The following BCLAF1 variants were observed in gnomAD, a reference collection of about 807,000 sequenced individuals.
The protein encoded by BCLAF1 is bcl-2-associated transcription factor 1.
A neutral mutation model predicts 99.5 loss-of-function variants in BCLAF1; 10 were observed. The ratio of observed to expected loss-of-function variants is 0.10; its 90% CI spans 0.06 to 0.17. The LOEUF (loss-of-function observed/expected upper bound fraction) is 0.17. Among genes scored for constraint, BCLAF1 ranks in the 10% least tolerant of loss-of-function variants. BCLAF1 has a pLI of 1.00. For synonymous variants in BCLAF1, 255 were observed against 370.9 expected (o/e 0.69, Z 3.59); for missense variants, 636 against 1,105.8 (o/e 0.58, Z 6.02).
chr6:136,269,771 A>G (rs1397506296), intron 8 of BCLAF1, 159 bp from the exon 9 acceptor site: 1 of 493,594 alleles, frequency 2.0e-6, no homozygotes, highest in Non-Finnish European at 3.3e-6. Context: ...TTTTTGTTAA[A>G]AAATGTACTT....
rs934628886 is a variant in BCLAF1, at chr6:136,259,738, T to G, written c.*1372A>C. The G allele has an allele frequency of 2.0e-5, 3 of 152,040 alleles. No individual in the cohort carries two copies. Among genetic ancestry groups the G allele is most frequent in the Non-Finnish European group, 4.4e-5 (3 of 67,918 alleles). The allele number at this position is 152,040 out of a possible 1,614,324, so 9.4% of individuals were successfully genotyped here. A position where few individuals can be genotyped will look rare whatever the true frequency, so the allele number is the denominator to read the frequency against. On this transcript the variant is annotated 3_prime_UTR_variant, in exon 13 of 13. Coordinates refer to ENST00000531224, the MANE Select transcript of BCLAF1 (RefSeq NM_014739.3). ...TGTTTAAGATGAAAGAGCAATACAC[T>G]TAAGATCTTCAAAAGTTTACATTAA...
chr6:136,261,203 A>T, intron 12 of BCLAF1, 62 bp downstream of exon 12: 1 of 1,571,970 alleles, frequency 6.4e-7, no homozygotes, highest in Non-Finnish European at 8.6e-7. Flanking sequence ...AAAATGAAAT[A>T]ATTCACCCAC....
Position 136,275,147 on chromosome 6 carries a change from T to C in BCLAF1, c.1852+385A>G, listed in dbSNP as rs146142013. ...TCAATAACAATACTGTCTGACTTTG[T>C]TATAAATCTATGCCAAGATTATCAC... On this transcript the variant is annotated intron_variant, in intron 6 of 12. Transcript: ENST00000531224. 4.4e-3 allele frequency among the ~76,000 whole-genome samples: 675 copies of C among 152,270 alleles called. 3 individuals carry two copies. Among genetic ancestry groups the C allele is most frequent in the African/African-American group, 0.014 (587 of 41,576 alleles).
intron 7 of BCLAF1, 55 bp downstream of exon 7, chr6:136,273,027 C>CATTA: frequency 7.7e-7 from 1 of 1,292,984 alleles, no homozygotes; most frequent in South Asian, 1.3e-5. Flanking sequence ...CTTGTTTTAA[C>CATTA]AGTGTCTTCC....
chr6:136,276,562 C>A (rs893662991), intron 4 of BCLAF1, 54 bp from the exon 5 acceptor site: 1 of 1,509,676 alleles, frequency 6.6e-7, no homozygotes, highest in Admixed American at 2.2e-5. Flanking sequence ...CACTGTAGAT[C>A]GCTTCCATAT....
chr6:136,270,701 C>T lies in BCLAF1; in HGVS notation c.2044-1089G>A, dbSNP rs181379728. Among the ~76,000 whole-genome samples, 41 of 151,892 alleles carry T rather than the reference C, an allele frequency of 2.7e-4. 1 individual carries two copies. The East Asian group carries it at 7.3e-3, about 27-fold the overall frequency. ...CGATATATACATAATTACATATTAA[C>T]ATGTTATTCATCCAGACAGGAGGAT... On this transcript the variant is annotated intron_variant, in intron 8 of 12. Coordinates refer to ENST00000531224, the MANE Select transcript of BCLAF1 (RefSeq NM_014739.3).
intron 11 of BCLAF1, among the ~76,000 whole-genome samples, chr6:136,263,357 G>C (rs907622314): frequency 6.6e-6 from 1 of 152,076 alleles, no homozygotes; most frequent in Non-Finnish European, 1.5e-5. Flanking sequence ...ACTAGCCATT[G>C]CTTTTAATAT....
chr6:136,289,826 C>G lies in BCLAF1; in HGVS notation c.-228G>C, dbSNP rs1229574025. 1 of 152,712 alleles carries G rather than the reference C, an allele frequency of 6.5e-6. No individual in the cohort carries two copies. Among genetic ancestry groups the G allele is most frequent in the African/African-American group, 2.4e-5 (1 of 41,478 alleles). The allele number at this position is 152,712 out of a possible 1,614,324, so 9.5% of individuals were successfully genotyped here. ...TAGAGCTACCTTCGACGCGCTAGCACGTCTCCGTCACTTCCGATCTGGGGC... is the reference window on the plus strand; with the variant it reads ...TAGAGCTACCTTCGACGCGCTAGCAGGTCTCCGTCACTTCCGATCTGGGGC... On this transcript the variant is annotated 5_prime_UTR_variant, in exon 1 of 13. Coordinates refer to ENST00000531224, the MANE Select transcript of BCLAF1 (RefSeq NM_014739.3).
intron 8 of BCLAF1, among the ~76,000 whole-genome samples, chr6:136,270,645 A>G (rs1370202946): frequency 6.6e-6 from 1 of 151,920 alleles, no homozygotes; most frequent in African/African-American, 2.4e-5. Context: ...TAACAAGATA[A>G]TGTAAATGAA....
intron 4 of BCLAF1, 57 bp downstream of exon 4, chr6:136,277,808 C>G: frequency 6.6e-7 from 1 of 1,525,548 alleles, no homozygotes; most frequent in South Asian, 1.3e-5. Context: ...TAATTCCAAA[C>G]AGAATTCAAA....
chr6:136,275,135 T>C (rs958222718), intron 6 of BCLAF1, among the ~76,000 whole-genome samples: 1 of 152,134 alleles, frequency 6.6e-6, no homozygotes, highest in African/African-American at 2.4e-5. Context: ...ATAACAATAC[T>C]GTCTGACTTT....
intron 2 of BCLAF1, among the ~76,000 whole-genome samples, chr6:136,280,453 T>C (rs868571688): frequency 4.6e-5 from 7 of 152,172 alleles, no homozygotes; most frequent in African/African-American, 1.7e-4. Flanking sequence ...GCTGGAGCCA[T>C]GGCTCTGCTC....
chr6:136,276,868 TA>T (rs1193411649), intron 4 of BCLAF1, among the ~76,000 whole-genome samples: 1 of 152,216 alleles, frequency 6.6e-6, no homozygotes, highest in Non-Finnish European at 1.5e-5. Flanking sequence ...GTTAGAATTC[TA>T]TTGATAATTA....
At chr6:136,264,763 T>G (rs1373116616) in intron 11 of BCLAF1, among the ~76,000 whole-genome samples, 2 of 152,204 alleles carry the variant, frequency 1.3e-5, no homozygotes, top group African/African-American at 4.8e-5. Flanking sequence ...GGAACTAATT[T>G]ATAAGGAAAA....
intron 1 of BCLAF1, among the ~76,000 whole-genome samples, chr6:136,287,143 A>G (rs1264976944): frequency 1.4e-5 from 2 of 143,738 alleles, no homozygotes; most frequent in African/African-American, 2.5e-5. Flanking sequence ...GTGTCTCAAG[A>G]AAAAAAAAAA....
chr6:136,276,876 AT>A (rs1263775418), intron 4 of BCLAF1, among the ~76,000 whole-genome samples: 4 of 152,314 alleles, frequency 2.6e-5, no homozygotes, highest in South Asian at 4.1e-4. Context: ...TCTATTGATA[AT>A]TATCCCCAAA....
chr6:136,289,178 G>A (rs1157580675), intron 1 of BCLAF1, among the ~76,000 whole-genome samples: 2 of 152,244 alleles, frequency 1.3e-5, no homozygotes, highest in Non-Finnish European at 2.9e-5. Context: ...TAAAGACCAC[G>A]CGAAAAGGGG....
Position 136,260,254 on chromosome 6 carries a change from A to C in BCLAF1, c.*856T>G, listed in dbSNP as rs1780799436. ...CCTCCTACATACCAACCCCAGGATT[A>C]CAGTTTTTCTTCTGTTTAAAACTAG... On this transcript the variant is annotated 3_prime_UTR_variant, in exon 13 of 13. Coordinates refer to ENST00000531224, the MANE Select transcript of BCLAF1 (RefSeq NM_014739.3). The C allele has an allele frequency of 6.6e-6, 1 of 152,006 alleles. No homozygotes were observed. Among genetic ancestry groups the C allele is most frequent in the African/African-American group, 2.4e-5 (1 of 41,434 alleles). 9.4% of individuals were successfully genotyped at this position (152,006 alleles called of 1,614,324 possible).
intron 1 of BCLAF1, 78 bp downstream of exon 1, chr6:136,289,635 C>G (rs1373145618): frequency 1.3e-5 from 2 of 152,476 alleles, no homozygotes; most frequent in Admixed American, 6.5e-5. Flanking sequence ...CCGACACCAC[C>G]CACAAAAGAG....
Sources: allele counts gnomAD v4.1 joint callset (sites outside exome capture counted in the v4.1 genomes callset), GRCh38; gene constraint gnomAD v4.1.1; transcripts MANE v1.5; gene names NCBI Gene and HGNC (gene_info 2026-07-23, HGNC 2026-07-21).